The following WDR64 variants were observed in gnomAD, a reference collection of about 807,000 sequenced individuals.
WDR64 encodes the protein WD repeat-containing protein 64.
Under a neutral mutation model 139.3 loss-of-function variants are expected in WDR64, and 112 were observed. The observed-to-expected ratio is 0.80, with a 90% CI of 0.69 to 0.94. WDR64 has a LOEUF of 0.94. Ranked by LOEUF, WDR64 falls within the 40% of genes least tolerant of loss-of-function variation. The pLI is 0.00. For synonymous variants in WDR64, 444 were observed against 437.7 expected, an observed-to-expected ratio of 1.01 and a Z score of -0.18; for missense variants, 1,206 against 1,293.1, an observed-to-expected ratio of 0.93 and a Z score of 1.03.
intron 8 of WDR64, among the ~76,000 whole-genome samples, chr1:241,692,402 A>G (rs144906268): frequency 5.3e-5 from 8 of 152,272 alleles, no homozygotes; most frequent in Admixed American, 3.3e-4. Flanking sequence ...ATAAAGCTAT[A>G]GTAATAAAGA....
intron 4 of WDR64, 88 bp from the exon 5 acceptor site, chr1:241,678,099 A>G (rs574163402): frequency 4.1e-4 from 165 of 398,252 alleles, no homozygotes; most frequent in Non-Finnish European, 6.5e-4. Flanking sequence ...GATTAAACCA[A>G]GAAGATACTG....
chr1:241,657,765 C>T (rs186920896), intron 1 of WDR64, among the ~76,000 whole-genome samples: 112 of 152,234 alleles, frequency 7.4e-4, no homozygotes, highest in Middle Eastern at 3.4e-3. Flanking sequence ...ATTTTAACTT[C>T]GTTACTGAGC....
intron 24 of WDR64, 73 bp from the exon 25 acceptor site, chr1:241,790,518 T>A: frequency 2.4e-6 from 3 of 1,269,896 alleles, no homozygotes; most frequent in Non-Finnish European, 3.4e-6. Context: ...GAGAAGGACA[T>A]AATGGATCTT....
chr1:241,771,437 T>C (rs944766989), intron 18 of WDR64, among the ~76,000 whole-genome samples: 1 of 152,178 alleles, frequency 6.6e-6, no homozygotes, highest in Non-Finnish European at 1.5e-5. Context: ...ACTCTCGTTA[T>C]TATGCTGGTA....
intron 3 of WDR64, among the ~76,000 whole-genome samples, chr1:241,672,725 G>A (rs1349709057): frequency 1.3e-5 from 2 of 152,222 alleles, no homozygotes; most frequent in African/African-American, 4.8e-5. Context: ...GGTGGTTTGA[G>A]GATGGGAGCA....
intron 4 of WDR64, among the ~76,000 whole-genome samples, chr1:241,677,932 G>C (rs1485490104): frequency 6.6e-6 from 1 of 152,198 alleles, no homozygotes; most frequent in Non-Finnish European, 1.5e-5. Flanking sequence ...GGAAGACAAT[G>C]ATTAGTGAAG....
intron 13 of WDR64, among the ~76,000 whole-genome samples, chr1:241,745,864 T>C (rs937058514): frequency 1.3e-5 from 2 of 152,138 alleles, no homozygotes; most frequent in African/African-American, 4.8e-5. Flanking sequence ...ACCCATCACC[T>C]GGGAAAAGCT....
intron 1 of WDR64, among the ~76,000 whole-genome samples, chr1:241,653,841 G>C (rs541239120): frequency 6.6e-6 from 1 of 152,210 alleles, no homozygotes; most frequent in Admixed American, 6.5e-5. Context: ...CACCGTGCCC[G>C]GCCAAAGTCA....
chr1:241,757,286 A>T lies in WDR64; in HGVS notation c.1774A>T (p.Lys592Ter). Residue 592 changes from lysine to a stop codon, truncating the protein, a stop_gained, in exon 15 of 28, where the codon AAG becomes TAG. Coordinates refer to ENST00000437684, the MANE Select transcript of WDR64 (RefSeq NM_001367482.1). LOFTEE classifies it high-confidence loss of function. ...RNGTIKMIQG[K>*]EDDIYLMVIW... ...ACTCACTGGATTTCTGTTAAAGGGT[A>T]AGGAAGATGATATCTACCTCATGGT... 1.9e-6 allele frequency: 3 copies of T among 1,612,472 alleles called. No individual in the cohort carries two copies. Among genetic ancestry groups the T allele is most frequent in the Non-Finnish European group, 2.5e-6 (3 of 1,179,386 alleles).
intron 15 of WDR64, among the ~76,000 whole-genome samples, chr1:241,762,710 T>C (rs1657976089): frequency 1.3e-5 from 2 of 151,784 alleles, no homozygotes; most frequent in Non-Finnish European, 2.9e-5. Flanking sequence ...TCCCTGACAT[T>C]AGCAAAACAA....
At chr1:241,741,783 A>G (rs903263005) in intron 12 of WDR64, 119 bp downstream of exon 12, 6 of 1,064,558 alleles carry the variant, frequency 5.6e-6, no homozygotes, top group African/African-American at 4.9e-5. Flanking sequence ...GAGACCATAC[A>G]TTAGAATGAT....
intron 13 of WDR64, among the ~76,000 whole-genome samples, chr1:241,745,482 C>A (rs1669723797): frequency 6.9e-6 from 1 of 144,340 alleles, no homozygotes; most frequent in Admixed American, 6.7e-5. Flanking sequence ...AAGCATTAAG[C>A]AATTCAATAT....
At chr1:241,743,563 A>G (rs186454416) in intron 12 of WDR64, among the ~76,000 whole-genome samples, 83 of 152,026 alleles carry the variant, frequency 5.5e-4, no homozygotes, top group Non-Finnish European at 1.2e-4. Context: ...GAACTTTCTC[A>G]CCCCTGGCAC....
chr1:241,797,720 C>T (rs1659406778), intron 27 of WDR64, among the ~76,000 whole-genome samples: 1 of 151,842 alleles, frequency 6.6e-6, no homozygotes, highest in Non-Finnish European at 1.5e-5. Context: ...ATATCATTTA[C>T]TTTTAATTGT....
At chr1:241,699,004 G>GA (rs1205007518) in intron 8 of WDR64, among the ~76,000 whole-genome samples, 1 of 152,110 alleles carries the variant, frequency 6.6e-6, no homozygotes, top group Non-Finnish European at 1.5e-5. Flanking sequence ...AAAACTGAGG[G>GA]AAAAGGCCTT....
At position 241,744,331 on chromosome 1, in the gene WDR64, T is replaced by A. The variant is rs1669664846; in HGVS notation, c.1471-62T>A. ...GAGGCTGTTTTGAATATGGTGTAATTCTGATGAGAATTGAAGGGCTTCTTC... is the reference window on the plus strand; with the variant it reads ...GAGGCTGTTTTGAATATGGTGTAATACTGATGAGAATTGAAGGGCTTCTTC... On this transcript the variant is annotated intron_variant, in intron 12 of 27. Transcript: ENST00000437684. The A allele has an allele frequency of 8.8e-6, 14 of 1,599,744 alleles. 1 individual carries two copies. The South Asian group carries it at 1.4e-4, about 15-fold the overall frequency.
rs200057844 is a variant in WDR64, at chr1:241,674,752, T to C, written c.483+5T>C. 1,084 of 1,503,216 alleles carry C rather than the reference T, an allele frequency of 7.2e-4. 17 individuals carry two copies. The highest frequency in any genetic ancestry group is 3.5e-4 in the Middle Eastern group (2 of 5,782). The allele number at this position is 1,503,216 out of a possible 1,614,324, so 93.1% of individuals were successfully genotyped here. A position where few individuals can be genotyped will look rare whatever the true frequency, so the allele number is the denominator to read the frequency against. On this transcript the variant is annotated splice_donor_5th_base_variant and intron_variant, in intron 4 of 27. Coordinates refer to ENST00000437684, the MANE Select transcript of WDR64 (RefSeq NM_001367482.1). ...ATAACAGTTTTTAATAACCAGGTAATTTCTTTTTCTTTTTTTAACTGAATG... is the reference window on the plus strand; with the variant it reads ...ATAACAGTTTTTAATAACCAGGTAACTTCTTTTTCTTTTTTTAACTGAATG...
At chr1:241,728,823 C>CTTCTTT (rs772463495) in intron 10 of WDR64, among the ~76,000 whole-genome samples, 2,359 of 148,708 alleles carry the variant, frequency 0.016, 66 homozygotes, top group African/African-American at 0.054. Context: ...TTCTCTTCTT[C>CTTCTTT]TTTTTTTTTT....
intron 5 of WDR64, among the ~76,000 whole-genome samples, chr1:241,678,958 T>C (rs924368452): frequency 6.9e-6 from 1 of 145,130 alleles, no homozygotes; most frequent in African/African-American, 2.5e-5. Context: ...GCAGCAGTCA[T>C]AAATGGAAGC....
Sources: gnomAD v4.1 joint callset for allele counts (sites outside exome capture counted in the v4.1 genomes callset) on GRCh38, gnomAD v4.1.1 for gene constraint, MANE v1.5 for transcripts, NCBI Gene and HGNC (gene_info 2026-07-23, HGNC 2026-07-21) for gene names.